Variants in ZNF678 observed in about 807,000 individuals in gnomAD.
The protein encoded by ZNF678 is zinc finger protein 678.
A neutral mutation model predicts 3.0 loss-of-function variants in ZNF678; 5 were observed. The ratio of observed to expected loss-of-function variants is 1.69; its 90% CI spans 0.88 to 3.56. The LOEUF is 3.56. Ranked by LOEUF, ZNF678 falls within the 30% of genes most tolerant of loss-of-function variation. ZNF678 has a pLI of 0.00. For missense variants in ZNF678, 593 were observed against 605.0 expected, an observed-to-expected ratio of 0.98 and a Z score of 0.21; for synonymous variants, 218 against 199.6, an observed-to-expected ratio of 1.09 and a Z score of -0.78.
At chr1:227,604,312 C>CT (rs1189206024) in intron 1 of ZNF678, among the ~76,000 whole-genome samples, 1 of 152,182 alleles carries the variant, frequency 6.6e-6, no homozygotes, top group Non-Finnish European at 1.5e-5. Context: ...TGTGAGGGTT[C>CT]TATGTTTACA....
Position 227,564,245 on chromosome 1 carries a change from G to T in ZNF678, c.-164+521G>T, listed in dbSNP as rs557214532. ...AATTTAATAATTGACGACAGTTACA[G>T]TCACCTTATTTGGACTGTCCAGGTG... On this transcript the variant is annotated intron_variant, in intron 1 of 3. Transcript: ENST00000343776. 3.3e-5 allele frequency among the ~76,000 whole-genome samples: 5 copies of T among 152,298 alleles called. No homozygotes were observed. In the East Asian group the frequency reaches 9.6e-4, roughly 29 times the overall value.
At chr1:227,639,471 G>A (rs1416868352) in intron 1 of ZNF678, among the ~76,000 whole-genome samples, 1 of 152,214 alleles carries the variant, frequency 6.6e-6, no homozygotes, top group Non-Finnish European at 1.5e-5. Context: ...GGTTGGATTG[G>A]GAGATGAACC....
intron 1 of ZNF678, among the ~76,000 whole-genome samples, chr1:227,575,096 C>A (rs1656954487): frequency 6.6e-6 from 1 of 152,034 alleles, no homozygotes; most frequent in South Asian, 2.1e-4. Context: ...CTGTTCTATT[C>A]CATTGGTATA....
intron 1 of ZNF678, among the ~76,000 whole-genome samples, chr1:227,637,848 C>T (rs1476150404): frequency 6.6e-6 from 1 of 152,100 alleles, no homozygotes; most frequent in Non-Finnish European, 1.5e-5. Context: ...GATGTGCGGT[C>T]AGTTGTGAGC....
intron 1 of ZNF678, among the ~76,000 whole-genome samples, chr1:227,606,337 T>C (rs1657869814): frequency 6.6e-6 from 1 of 152,228 alleles, no homozygotes; most frequent in South Asian, 2.1e-4. Context: ...GGGAACGTAC[T>C]GTGCCCGGAT....
At chr1:227,598,339 T>G (rs1262547964) in intron 1 of ZNF678, 12 of 1,272,562 alleles carry the variant, frequency 9.4e-6, no homozygotes, top group African/African-American at 1.5e-5. Context: ...TTCGTGGATT[T>G]TAGTAAATAT....
In ZNF678 at chr1:227,563,727, G is replaced by A; in HGVS notation, c.-164+3G>A. The A allele has an allele frequency of 2.3e-6, 3 of 1,324,020 alleles. No individual in the cohort carries two copies. Among genetic ancestry groups the A allele is most frequent in the Non-Finnish European group, 2.0e-6 (2 of 998,568 alleles). The allele number at this position is 1,324,020 out of a possible 1,614,324, so 82.0% of individuals were successfully genotyped here. On this transcript the variant is annotated splice_donor_region_variant and intron_variant, in intron 1 of 3. Transcript: ENST00000343776. Reference sequence around the variant, plus strand: ...GACACCCCGAAAGCCGGAAAACGGTGAGAGTTCCCGGGAGGGTGTTCCAAG... The same window carrying A: ...GACACCCCGAAAGCCGGAAAACGGTAAGAGTTCCCGGGAGGGTGTTCCAAG...
chr1:227,635,306 G>A (rs990782384), intron 1 of ZNF678, among the ~76,000 whole-genome samples: 6 of 152,132 alleles, frequency 3.9e-5, no homozygotes, highest in African/African-American at 1.4e-4. Context: ...TATACCAATA[G>A]CAAAAGGTAG....
At chr1:227,622,502 G>A (rs768390153) in intron 1 of ZNF678, among the ~76,000 whole-genome samples, 2 of 152,122 alleles carry the variant, frequency 1.3e-5, no homozygotes, top group African/African-American at 2.4e-5. Flanking sequence ...ATGATCACTC[G>A]CGTTTGGCTC....
intron 1 of ZNF678, 150 bp downstream of exon 1, chr1:227,563,874 A>T: frequency 1.5e-6 from 1 of 674,380 alleles, no homozygotes; most frequent in Non-Finnish European, 2.3e-6. Context: ...TTCTCCTCCC[A>T]TCACTGCGCC....
chr1:227,583,373 A>T (rs1194488813), intron 1 of ZNF678, among the ~76,000 whole-genome samples: 9 of 121,870 alleles, frequency 7.4e-5, no homozygotes, highest in Admixed American at 5.7e-4. Flanking sequence ...TTTTTTTGAG[A>T]CAGAGTCTTG....
At chr1:227,582,892 A>G in intron 1 of ZNF678, among the ~76,000 whole-genome samples, 1 of 152,108 alleles carries the variant, frequency 6.6e-6, no homozygotes, top group East Asian at 1.9e-4. Context: ...GGTCATATAT[A>G]TTTTGTAAAA....
intron 1 of ZNF678, among the ~76,000 whole-genome samples, chr1:227,640,294 ACTGGGAAGATGGCAG>A (rs1443440410): frequency 6.6e-6 from 1 of 151,978 alleles, no homozygotes; most frequent in African/African-American, 2.4e-5. Context: ...GATACAGTTG[ACTGGGAAGATGGCAG>A]CTGGGAAGAT....
chr1:227,631,160 G>C (rs538863988), intron 1 of ZNF678, among the ~76,000 whole-genome samples: 1 of 152,248 alleles, frequency 6.6e-6, no homozygotes, highest in South Asian at 2.1e-4. Flanking sequence ...AAAGGACATA[G>C]GGATGCCAGT....
intron 1 of ZNF678, among the ~76,000 whole-genome samples, chr1:227,640,449 AG>A: frequency 6.6e-6 from 1 of 152,010 alleles, no homozygotes; most frequent in South Asian, 2.1e-4. Flanking sequence ...GGGAGGAGAA[AG>A]GTGATCAGGG....
chr1:227,635,829 G>A (rs1658664736), intron 1 of ZNF678, among the ~76,000 whole-genome samples: 1 of 151,968 alleles, frequency 6.6e-6, no homozygotes, highest in Admixed American at 6.6e-5. Context: ...CGTGGGACTG[G>A]GCCTGAGAAG....
intron 1 of ZNF678, among the ~76,000 whole-genome samples, chr1:227,599,254 G>A (rs1180219473): frequency 6.6e-6 from 1 of 152,014 alleles, no homozygotes; most frequent in Non-Finnish European, 1.5e-5. Flanking sequence ...TTCTAATTCC[G>A]TTGGTATCAT....
intron 1 of ZNF678, among the ~76,000 whole-genome samples, chr1:227,564,842 C>T (rs1021954693): frequency 9.2e-5 from 14 of 151,964 alleles, no homozygotes; most frequent in African/African-American, 3.4e-4. Flanking sequence ...AGCGATTCTC[C>T]TGCCTCAGCC....
chr1:227,604,461 C>T (rs959177103), intron 1 of ZNF678, among the ~76,000 whole-genome samples: 4 of 152,216 alleles, frequency 2.6e-5, no homozygotes, highest in Admixed American at 6.5e-5. Context: ...TTATGGCTCA[C>T]TGCTGCCTCC....
Sources: allele counts gnomAD v4.1 joint callset (sites outside exome capture counted in the v4.1 genomes callset), GRCh38; gene constraint gnomAD v4.1.1; transcripts MANE v1.5; gene names NCBI Gene and HGNC (gene_info 2026-07-23, HGNC 2026-07-21).